Variants in ANO7 observed in about 807,000 individuals in gnomAD.
The protein encoded by ANO7 is anoctamin 7.
ANO7 carries 114 observed loss-of-function variants against 115.8 expected under a neutral mutation model. The ratio of observed to expected loss-of-function variants is 0.98; its 90% confidence interval spans 0.85 to 1.15. The LOEUF (loss-of-function observed/expected upper bound fraction) is 1.15. Among genes scored for constraint, ANO7 ranks in the 50% most tolerant of loss-of-function variants. The probability of loss-of-function intolerance (pLI) is 0.00; values close to 1 mark genes in which losing one functional copy is unlikely to be tolerated. For synonymous variants in ANO7, 550 were observed against 498.2 expected (o/e 1.10, Z -1.38); for missense variants, 1,302 against 1,201.2 (o/e 1.08, Z -1.24).
intron 15 of ANO7, among the ~76,000 whole-genome samples, chr2:241,211,065 G>A (rs1177828798): frequency 1.3e-5 from 2 of 152,220 alleles, no homozygotes; most frequent in Non-Finnish European, 2.9e-5. Flanking sequence ...ATGTGGTACA[G>A]ATTGGAGTTG....
rs2068513686 is a variant in ANO7, at chr2:241,203,335, C to T, written c.726C>T (p.Gly242=). The T allele has an allele frequency of 6.5e-7, 1 of 1,537,582 alleles. No homozygotes were observed. The highest frequency in any genetic ancestry group is 8.7e-7 in the Non-Finnish European group (1 of 1,143,680). Residue 242 remains glycine, a splice_region_variant and synonymous_variant, in exon 9 of 25, where the codon GGC becomes GGT. Coordinates refer to ENST00000674324, the MANE Select transcript of ANO7 (RefSeq NM_001370694.2). The surrounding 1 kb of genome is among the most constrained non-coding windows in gnomAD (Gnocchi z 4.8). ...VLSAAFPLHD[G]PFKTPPEGPQ... ...ACCCACAGGCCGCTCGCCCCCAGGG[C>T]CCCTTCAAGACGCCCCCAGAGGGCC...
downstream of ANO7, chr2:241,230,837 G>A (rs750713684): frequency 3.1e-6 from 5 of 1,614,208 alleles, no homozygotes; most frequent in Admixed American, 8.3e-5. This position sits in a 1 kb window ranked among gnomAD's most constrained non-coding sequence, Gnocchi z 5.0. Flanking sequence ...GGTCCAGCGG[G>A]ACGTCCTCAG....
At chr2:241,235,414 G>T in the ANO7 span, 1 of 1,463,518 alleles carries the variant, frequency 6.8e-7, no homozygotes, top group Non-Finnish European at 9.5e-7. Context: ...ACAGGAAGTT[G>T]AGAAAGGACA....
chr2:241,216,792 C>T (rs1291564448), intron 19 of ANO7, among the ~76,000 whole-genome samples: 1 of 151,990 alleles, frequency 6.6e-6, no homozygotes, highest in Non-Finnish European at 1.5e-5. Flanking sequence ...TGACTCTGAG[C>T]TGACAAAAGG....
chr2:241,196,752 T>C (rs1408648816), intron 4 of ANO7, among the ~76,000 whole-genome samples: 2 of 152,118 alleles, frequency 1.3e-5, no homozygotes. Context: ...TGAATGCCGG[T>C]CTTTGCTTAT....
chr2:241,210,443 G>A (rs753776594), intron 14 of ANO7, 25 bp from the exon 15 acceptor site: 2 of 1,613,864 alleles, frequency 1.2e-6, no homozygotes, highest in Non-Finnish European at 1.7e-6. Flanking sequence ...CCCTCATCCG[G>A]CTCTGACGGC....
rs757188668 is a variant in ANO7, at chr2:241,218,255, T to C, written c.2195T>C (p.Phe732Ser). The part of the protein sequence containing the change: ...AVISNAFLLA[F>S]SSDFLPRAYY... ...GGCGCCCAGGCCTTCCTCCTGGCCT[T>C]CTCGTCCGACTTCCTGCCGCGCGCC... is the stretch of plus-strand genomic sequence containing the variant. The change falls in exon 21 of 25, where the codon TTC becomes TCC. Residue 732 changes from phenylalanine (F) to serine (S), a missense_variant. By Grantham distance (155) the Phe-to-Ser change is radical. Transcript: ENST00000674324. 68 of 1,526,144 alleles carry C rather than the reference T, an allele frequency of 4.5e-5. No homozygotes were observed. Among genetic ancestry groups the C allele is most frequent in the Admixed American group, 5.7e-5 (3 of 52,684 alleles). The allele number at this position is 1,526,144 out of a possible 1,614,324, so 94.5% of individuals were successfully genotyped here.
the ANO7 span, among the ~76,000 whole-genome samples, chr2:241,237,536 G>C: frequency 2.6e-5 from 4 of 152,190 alleles, no homozygotes; most frequent in South Asian, 8.3e-4. Context: ...TCCTAGGATG[G>C]GGAAGTAGGT....
intron 7 of ANO7, among the ~76,000 whole-genome samples, chr2:241,201,660 C>T (rs1303676054): frequency 6.6e-6 from 1 of 152,186 alleles, no homozygotes; most frequent in Middle Eastern, 3.2e-3. Flanking sequence ...TGGGTCCTGC[C>T]GGCTGGGAGC....
At chr2:241,210,212 A>C in intron 13 of ANO7, 83 bp from the exon 14 acceptor site, 95 of 1,343,734 alleles carry the variant, frequency 7.1e-5, no homozygotes, top group Non-Finnish European at 9.0e-5. Flanking sequence ...GTGGACTAGA[A>C]GAGCTGTCGG....
downstream of ANO7, chr2:241,229,787 C>G: frequency 8.8e-7 from 1 of 1,137,618 alleles, no homozygotes; most frequent in Non-Finnish European, 1.3e-6. Context: ...CCCGCCTGCC[C>G]GCCCACCCTC....
At chr2:241,228,989 G>C (rs1406721595), downstream of ANO7, 1 of 153,364 alleles carries the variant, frequency 6.5e-6, no homozygotes, top group Non-Finnish European at 1.5e-5. Context: ...CCCACGGCAG[G>C]TAAAATCAGG....
intron 15 of ANO7, 22 bp from the exon 16 acceptor site, chr2:241,212,072 G>A (rs1426373249): frequency 1.2e-6 from 2 of 1,609,768 alleles, no homozygotes; most frequent in Non-Finnish European, 1.7e-6. Context: ...CAGGGACTGA[G>A]CCCAGGCTCT....
the ANO7 span, chr2:241,239,570 G>T: frequency 1.3e-6 from 2 of 1,582,170 alleles, no homozygotes; most frequent in South Asian, 1.1e-5. The surrounding 1 kb of genome is among the most constrained non-coding windows in gnomAD (Gnocchi z 4.6). Context: ...ACTGGGGGGT[G>T]AGAACCCCTC....
At chr2:241,236,856 T>G in the ANO7 span, 1 of 1,364,264 alleles carries the variant, frequency 7.3e-7, no homozygotes, top group Non-Finnish European at 1.0e-6. Flanking sequence ...GTGAGGCACC[T>G]GCTGGGTGCT....
At chr2:241,239,821 CTGCAG>C in the ANO7 span, 2 of 1,613,566 alleles carry the variant, frequency 1.2e-6, no homozygotes, top group African/African-American at 2.7e-5. The surrounding 1 kb of genome is among the most constrained non-coding windows in gnomAD (Gnocchi z 4.6). Context: ...CCACATTATC[CTGCAG>C]TGTTAAGAAG....
At chr2:241,229,430 G>A (rs2069450072), downstream of ANO7, 1 of 576,500 alleles carries the variant, frequency 1.7e-6, no homozygotes, top group Non-Finnish European at 3.1e-6. Context: ...GGCCAGGCCT[G>A]GAGGAGCGGC....
chr2:241,236,201 G>A, the ANO7 span: 1 of 235,698 alleles, frequency 4.2e-6, no homozygotes, highest in Non-Finnish European at 8.3e-6. Context: ...GCAGCACTGA[G>A]AGCAGCATCC....
chr2:241,239,771 T>C, the ANO7 span: 6 of 1,614,110 alleles, frequency 3.7e-6, no homozygotes, highest in South Asian at 1.1e-5. The surrounding 1 kb of genome is among the most constrained non-coding windows in gnomAD (Gnocchi z 4.6). Context: ...GATGACGAAG[T>C]GGCGGTGGTG....
Sources: allele counts gnomAD v4.1 joint callset (sites outside exome capture counted in the v4.1 genomes callset), GRCh38; gene constraint gnomAD v4.1.1; non-coding constraint Gnocchi (gnomAD v3.1); transcripts MANE v1.5; gene names NCBI Gene and HGNC (gene_info 2026-07-23, HGNC 2026-07-21).